RGPD2: variants seen among roughly 807,000 people sequenced by gnomAD.
The protein encoded by RGPD2 is RANBP2 like and GRIP domain containing 2.
Under a neutral mutation model 36.0 loss-of-function variants are expected in RGPD2, and 2 were observed. The ratio of observed to expected loss-of-function variants is 0.06; its 90% CI spans 0.02 to 0.17. The LOEUF is 0.17. RGPD2 is among the 10% of genes least tolerant of loss of function. The probability of loss-of-function intolerance (pLI) is 1.00; values close to 1 mark genes in which losing one functional copy is unlikely to be tolerated. For synonymous variants in RGPD2, 19 were observed against 163.8 expected (o/e 0.12, Z 6.75); for missense variants, 40 against 464.3 (o/e 0.09, Z 8.40).
At chr2:87,988,524 A>AATATATATATATATATATAT in the RGPD2 span, among the ~76,000 whole-genome samples, 11 of 42,856 alleles carry the variant, frequency 2.6e-4, 1 homozygote, top group East Asian at 0.01. Context: ...TATACATATA[A>AATATATATATATATATATAT]ATATATATAT....
the RGPD2 span, among the ~76,000 whole-genome samples, chr2:87,915,340 A>ATGTATATTATATATATTTTATATAT: frequency 9.1e-6 from 1 of 109,578 alleles, no homozygotes; most frequent in African/African-American, 4.0e-5. Context: ...TTGTATATAT[A>ATGTATATTATATATATTTTATATAT]ATGTATATTA....
chr2:87,971,462 A>AAT, the RGPD2 span, among the ~76,000 whole-genome samples: 17 of 124,052 alleles, frequency 1.4e-4, no homozygotes, highest in African/African-American at 4.7e-4. Flanking sequence ...ATTATATATA[A>AAT]ATATATATAT....
chr2:87,915,492 TAC>T, the RGPD2 span, among the ~76,000 whole-genome samples: 16 of 118,240 alleles, frequency 1.4e-4, no homozygotes, highest in African/African-American at 4.9e-4. Context: ...TGTGTGTATA[TAC>T]GTATATATAC....
At chr2:87,857,563 C>CT in the RGPD2 span, among the ~76,000 whole-genome samples, 1 of 150,616 alleles carries the variant, frequency 6.6e-6, no homozygotes, top group African/African-American at 2.4e-5. Flanking sequence ...AGGATGGTCT[C>CT]GATCTCCTGA....
the RGPD2 span, among the ~76,000 whole-genome samples, chr2:87,924,482 T>G: frequency 1.3e-5 from 2 of 152,082 alleles, no homozygotes; most frequent in African/African-American, 4.8e-5. Context: ...TGCAGCTGGG[T>G]ATCAAGCAAT....
the RGPD2 span, among the ~76,000 whole-genome samples, chr2:87,858,150 T>C: frequency 2.8e-4 from 42 of 152,248 alleles, no homozygotes; most frequent in Non-Finnish European, 3.8e-4. Flanking sequence ...TGGTGGTGCG[T>C]GCCTGTAATC....
the RGPD2 span, among the ~76,000 whole-genome samples, chr2:87,964,803 T>TTTTATTTA: frequency 1.3e-5 from 1 of 79,856 alleles, no homozygotes; most frequent in African/African-American, 3.7e-5. Context: ...AAGGAATTCT[T>TTTTATTTA]TTTATTTATT....
the RGPD2 span, among the ~76,000 whole-genome samples, chr2:87,986,526 C>T: frequency 3.9e-5 from 6 of 151,920 alleles, no homozygotes; most frequent in African/African-American, 7.3e-5. Context: ...ATCCATTGCC[C>T]AGCAATTACT....
chr2:87,836,732 T>G, the RGPD2 span, among the ~76,000 whole-genome samples: 1 of 151,854 alleles, frequency 6.6e-6, no homozygotes, highest in Non-Finnish European at 1.5e-5. Flanking sequence ...TCCACAGGTA[T>G]CAATATTAAC....
chr2:87,964,149 C>G, the RGPD2 span, among the ~76,000 whole-genome samples: 2 of 152,250 alleles, frequency 1.3e-5, no homozygotes, highest in Non-Finnish European at 2.9e-5. Flanking sequence ...AAGAGAGAAT[C>G]TTCTTGAGGA....
At chr2:87,879,464 C>T in the RGPD2 span, among the ~76,000 whole-genome samples, 1 of 140,734 alleles carries the variant, frequency 7.1e-6, no homozygotes, top group Non-Finnish European at 1.5e-5. Context: ...CCCTGACACA[C>T]ACTGAGTACC....
At chr2:87,826,188 A>G (rs1344560956), upstream of RGPD2, among the ~76,000 whole-genome samples, 3 of 152,216 alleles carry the variant, frequency 2.0e-5, no homozygotes, top group East Asian at 1.9e-4. Context: ...TGTAAAGTCT[A>G]TAGGAACACA....
the RGPD2 span, among the ~76,000 whole-genome samples, chr2:87,922,731 C>T: frequency 6.6e-6 from 1 of 150,740 alleles, no homozygotes; most frequent in Non-Finnish European, 1.5e-5. Context: ...TTTCCCTAGA[C>T]TGGTCCCCAT....
chr2:87,877,773 T>G, the RGPD2 span, among the ~76,000 whole-genome samples: 1 of 121,852 alleles, frequency 8.2e-6, no homozygotes, highest in African/African-American at 3.2e-5. Flanking sequence ...CCACTGCACT[T>G]CAGCCTGGGC....
At chr2:87,912,112 C>T in the RGPD2 span, among the ~76,000 whole-genome samples, 1 of 149,480 alleles carries the variant, frequency 6.7e-6, no homozygotes, top group African/African-American at 2.5e-5. Context: ...TTAAAGAATT[C>T]TTCGATTGTA....
At chr2:87,825,347 C>G (rs1272894114) in intron 1 of RGPD2, among the ~76,000 whole-genome samples, 1 of 149,418 alleles carries the variant, frequency 6.7e-6, no homozygotes, top group East Asian at 2.0e-4. Flanking sequence ...ATTGCCACAA[C>G]TAATCTTCTC....
chr2:87,881,427 C>T, the RGPD2 span, among the ~76,000 whole-genome samples: 2 of 152,190 alleles, frequency 1.3e-5, no homozygotes, highest in East Asian at 3.8e-4. Context: ...TTCCTGGGGA[C>T]CCAGGCTTTC....
chr2:87,809,850 G>A (rs1215422860), intron 6 of RGPD2, among the ~76,000 whole-genome samples: 1 of 139,138 alleles, frequency 7.2e-6, no homozygotes, highest in Non-Finnish European at 1.6e-5. Flanking sequence ...CTGTCCTCAG[G>A]GCCCTCCTGG....
chr2:87,988,543 T>TATA, the RGPD2 span, among the ~76,000 whole-genome samples: 3 of 27,824 alleles, frequency 1.1e-4, no homozygotes, highest in South Asian at 1.9e-3. Flanking sequence ...ATATATATAT[T>TATA]TTTTTTTTTT....
Sources: gnomAD v4.1 joint callset for allele counts (sites outside exome capture counted in the v4.1 genomes callset) on GRCh38, gnomAD v4.1.1 for gene constraint, MANE v1.5 for transcripts, NCBI Gene and HGNC (gene_info 2026-07-23, HGNC 2026-07-21) for gene names.